ELP4: variants seen among roughly 807,000 people sequenced by gnomAD.
ELP4 encodes the protein elongator acetyltransferase complex subunit 4.
A neutral mutation model predicts 48.9 loss-of-function variants in ELP4; 51 were observed. The ratio of observed to expected loss-of-function variants is 1.04; its 90% confidence interval spans 0.83 to 1.32. ELP4 has a LOEUF of 1.32. Ranked by LOEUF, ELP4 falls within the 40% of genes most tolerant of loss-of-function variation. The pLI, the probability that ELP4 is intolerant of heterozygous loss-of-function variation, is 0.00. For missense variants in ELP4, 519 were observed against 514.6 expected, an observed-to-expected ratio of 1.01 and a Z score of -0.08; for synonymous variants, 210 against 189.2, an observed-to-expected ratio of 1.11 and a Z score of -0.90.
chr11:31,566,595 G>A (rs886311288), intron 3 of ELP4, among the ~76,000 whole-genome samples: 5 of 152,084 alleles, frequency 3.3e-5, no homozygotes, highest in African/African-American at 1.2e-4. Flanking sequence ...CCATAATCGG[G>A]TAAAATACTT....
At chr11:31,705,151 G>T (rs1000923824) in intron 9 of ELP4, among the ~76,000 whole-genome samples, 1 of 151,994 alleles carries the variant, frequency 6.6e-6, no homozygotes, top group African/African-American at 2.4e-5. Context: ...AGTTTATTTG[G>T]CTCATGGTTT....
chr11:31,569,422 AG>A (rs1957161076), intron 3 of ELP4, among the ~76,000 whole-genome samples: 1 of 152,198 alleles, frequency 6.6e-6, no homozygotes, highest in Non-Finnish European at 1.5e-5. Context: ...CACTGAAAAG[AG>A]AGCAAAGGAC....
intron 9 of ELP4, among the ~76,000 whole-genome samples, chr11:31,665,849 T>C (rs1945662072): frequency 6.6e-6 from 1 of 151,144 alleles, no homozygotes. Context: ...GAGACAGGGT[T>C]TCACCATGTT....
At chr11:31,520,723 A>C (rs556594662) in intron 2 of ELP4, among the ~76,000 whole-genome samples, 2 of 152,068 alleles carry the variant, frequency 1.3e-5, no homozygotes, top group South Asian at 4.1e-4. Context: ...ATATAATATA[A>C]ATTTACGTAG....
intron 9 of ELP4, among the ~76,000 whole-genome samples, chr11:31,703,702 A>G (rs16922410): frequency 0.028 from 4,326 of 152,198 alleles, 208 homozygotes; most frequent in African/African-American, 0.099. Flanking sequence ...TGATTTCTCT[A>G]TTGGTGATCT....
intron 3 of ELP4, among the ~76,000 whole-genome samples, chr11:31,544,891 A>G (rs1592101003): frequency 6.6e-6 from 1 of 152,166 alleles, no homozygotes; most frequent in African/African-American, 2.4e-5. Flanking sequence ...CCAGGCAAAC[A>G]GGGTCTGGAG....
intron 3 of ELP4, among the ~76,000 whole-genome samples, chr11:31,591,835 C>G (rs1957583254): frequency 6.6e-6 from 1 of 152,086 alleles, no homozygotes; most frequent in Non-Finnish European, 1.5e-5. Flanking sequence ...CTCATAATAA[C>G]TTAAGAATAG....
At chr11:31,743,028 T>C (rs544769824) in intron 9 of ELP4, among the ~76,000 whole-genome samples, 2 of 152,004 alleles carry the variant, frequency 1.3e-5, no homozygotes, top group East Asian at 3.9e-4. Flanking sequence ...GAGACACACA[T>C]AGGCTCAAAA....
chr11:31,567,603 TA>T (rs1168687348), intron 3 of ELP4, among the ~76,000 whole-genome samples: 18 of 152,240 alleles, frequency 1.2e-4, no homozygotes, highest in Admixed American at 8.5e-4. Flanking sequence ...ATCAGTGAAA[TA>T]AAGTAAATAT....
chr11:31,683,353 T>C (rs1162787901), intron 9 of ELP4, among the ~76,000 whole-genome samples: 6 of 152,166 alleles, frequency 3.9e-5, no homozygotes, highest in Admixed American at 6.5e-5. Context: ...TTTTCTAGTT[T>C]ATAATTTTTG....
chr11:31,553,766 C>CA (rs1294735116), intron 3 of ELP4, among the ~76,000 whole-genome samples: 5 of 108,356 alleles, frequency 4.6e-5, no homozygotes, highest in African/African-American at 2.1e-4. Flanking sequence ...ACACACACAC[C>CA]CTATTGGTTC....
intron 5 of ELP4, among the ~76,000 whole-genome samples, chr11:31,625,075 G>A (rs1944711098): frequency 6.6e-6 from 1 of 151,054 alleles, no homozygotes. Context: ...AAATAGTATA[G>A]TAAGTACATA....
At chr11:31,750,519 G>C (rs1947697133) in intron 9 of ELP4, among the ~76,000 whole-genome samples, 1 of 152,114 alleles carries the variant, frequency 6.6e-6, no homozygotes, top group African/African-American at 2.4e-5. Context: ...GTCCTTGATT[G>C]TCTTGCCTGA....
chr11:31,657,165 T>C (rs1293723355), intron 9 of ELP4, among the ~76,000 whole-genome samples: 1 of 152,066 alleles, frequency 6.6e-6, no homozygotes, highest in Non-Finnish European at 1.5e-5. Context: ...GTTTTACAGA[T>C]ACTTTTGTAC....
At chr11:31,584,194 TAAGTA>T (rs1262515115) in intron 3 of ELP4, among the ~76,000 whole-genome samples, 1 of 151,988 alleles carries the variant, frequency 6.6e-6, no homozygotes, top group East Asian at 1.9e-4. Context: ...TAATTAAATT[TAAGTA>T]TTTATAATAT....
At chr11:31,687,350 G>A (rs965578417) in intron 9 of ELP4, among the ~76,000 whole-genome samples, 1 of 152,178 alleles carries the variant, frequency 6.6e-6, no homozygotes, top group African/African-American at 2.4e-5. Context: ...GAAGAAGGCA[G>A]AAGAATCATG....
At chr11:31,523,738 C>G (rs1432623804) in intron 2 of ELP4, among the ~76,000 whole-genome samples, 1 of 146,688 alleles carries the variant, frequency 6.8e-6, no homozygotes, top group Non-Finnish European at 1.5e-5. Flanking sequence ...ATTTTAAAAT[C>G]AAAGGTAAAA....
At chr11:31,591,828 A>G (rs753088053) in intron 3 of ELP4, among the ~76,000 whole-genome samples, 4 of 152,194 alleles carry the variant, frequency 2.6e-5, no homozygotes, top group Non-Finnish European at 5.9e-5. Flanking sequence ...AGCATTACTC[A>G]TAATAACTTA....
intron 3 of ELP4, among the ~76,000 whole-genome samples, chr11:31,573,005 C>G (rs1273303190): frequency 1.3e-5 from 2 of 151,900 alleles, no homozygotes; most frequent in African/African-American, 4.8e-5. Context: ...AAGACTCTGT[C>G]TCAAAAAAAG....
Sources: allele counts gnomAD v4.1 joint callset (sites outside exome capture counted in the v4.1 genomes callset), GRCh38; gene constraint gnomAD v4.1.1; transcripts MANE v1.5; gene names NCBI Gene and HGNC (gene_info 2026-07-23, HGNC 2026-07-21).